Variants in PPEF1 observed in about 807,000 individuals in gnomAD.
PPEF1 encodes the protein protein phosphatase with EF-hand domain 1.
A neutral mutation model predicts 53.3 loss-of-function variants in PPEF1; 12 were observed. That is an observed-to-expected ratio of 0.23 (90% CI 0.14 to 0.36). PPEF1 has a LOEUF of 0.36. Ranked by LOEUF, PPEF1 falls within the 10% of genes least tolerant of loss-of-function variation. The pLI, the probability that PPEF1 is intolerant of heterozygous loss-of-function variation, is 1.00. For missense variants in PPEF1, 334 were observed against 490.4 expected (o/e 0.68, Z 3.01); for synonymous variants, 165 against 176.7 (o/e 0.93, Z 0.52).
intron 3 of PPEF1, among the ~76,000 whole-genome samples, chrX:18,744,513 G>A (rs1569254279): frequency 8.9e-6 from 1 of 111,910 alleles, no homozygotes; most frequent in Non-Finnish European, 1.9e-5. Context: ...GCAGAAAGCC[G>A]AAGCTGCCAT....
At chrX:18,816,300 C>T (rs2046912293) in intron 12 of PPEF1, among the ~76,000 whole-genome samples, 1 of 110,680 alleles carries the variant, frequency 9.0e-6, no homozygotes. Context: ...TGTGACTTGC[C>T]CAAATTTCTT....
chrX:18,731,278 G>C (rs1270057991), intron 2 of PPEF1, among the ~76,000 whole-genome samples: 1 of 112,151 alleles, frequency 8.9e-6, no homozygotes, highest in Non-Finnish European at 1.9e-5. Context: ...GGTGTGGGTT[G>C]GGATGTTAAG....
chrX:18,739,668 A>G (rs2045094927), intron 3 of PPEF1, among the ~76,000 whole-genome samples: 1 of 112,153 alleles, frequency 8.9e-6, no homozygotes, highest in Non-Finnish European at 1.9e-5. Context: ...AAGCTGTCAG[A>G]CAGGGATGTT....
At chrX:18,746,791 GTGTAATGGT>G (rs756876317) in intron 3 of PPEF1, among the ~76,000 whole-genome samples, 2 of 112,134 alleles carry the variant, frequency 1.8e-5, no homozygotes, top group Non-Finnish European at 3.8e-5. Context: ...TGCAGTAAAA[GTGTAATGGT>G]TAAGAGTTTG....
chrX:18,771,463 A>T (rs1366606296), intron 6 of PPEF1, among the ~76,000 whole-genome samples: 2 of 111,915 alleles, frequency 1.8e-5, no homozygotes, highest in Non-Finnish European at 3.8e-5. Context: ...ATTTCCAAGA[A>T]TCTTAATTCA....
intron 7 of PPEF1, among the ~76,000 whole-genome samples, chrX:18,780,139 C>T (rs138934216): frequency 0.013 from 1,426 of 111,860 alleles, 24 homozygotes; most frequent in African/African-American, 0.042. Context: ...ATGAAGGAGA[C>T]GTGGCCCCTG....
intron 3 of PPEF1, among the ~76,000 whole-genome samples, chrX:18,736,128 C>G (rs1219358045): frequency 1.8e-5 from 2 of 111,399 alleles, no homozygotes; most frequent in African/African-American, 3.3e-5. Flanking sequence ...ATTTCTTTCT[C>G]CTGCCTGATT....
intron 10 of PPEF1, 94 bp from the exon 11 acceptor site, chrX:18,803,798 T>C (rs1232034771): frequency 1.2e-6 from 1 of 841,560 alleles, no homozygotes; most frequent in Non-Finnish European, 1.7e-6. Context: ...GTCTTTGGGA[T>C]ACCTTGGGTT....
At chrX:18,810,122 A>G (rs993473711) in intron 12 of PPEF1, among the ~76,000 whole-genome samples, 2 of 108,276 alleles carry the variant, frequency 1.8e-5, no homozygotes, top group African/African-American at 3.4e-5. Flanking sequence ...ACATATATCC[A>G]TAAGTTTTAG....
At chrX:18,770,813 A>G (rs982307136) in intron 6 of PPEF1, among the ~76,000 whole-genome samples, 17 of 112,797 alleles carry the variant, frequency 1.5e-4, no homozygotes, top group African/African-American at 3.9e-4. Context: ...CCATTCAAAC[A>G]TAATAAATAT....
At chrX:18,680,089 C>CA (rs756924550), upstream of PPEF1, among the ~76,000 whole-genome samples, 2,069 of 52,891 alleles carry the variant, frequency 0.039, 82 homozygotes, top group African/African-American at 0.12. Context: ...ACCCTGTCCT[C>CA]AAAAAAAAAA....
At chrX:18,759,603 T>C (rs1012489611) in intron 5 of PPEF1, among the ~76,000 whole-genome samples, 1 of 111,744 alleles carries the variant, frequency 8.9e-6, no homozygotes, top group South Asian at 3.7e-4. Flanking sequence ...CAACTAGAAG[T>C]TAAAAATATT....
At chrX:18,796,863 A>G (rs1381530510) in intron 10 of PPEF1, among the ~76,000 whole-genome samples, 1 of 111,954 alleles carries the variant, frequency 8.9e-6, no homozygotes, top group African/African-American at 3.2e-5. Context: ...GGTTAGAACA[A>G]GCTCTTCTAG....
At chrX:18,794,522 G>T (rs1354453829) in intron 10 of PPEF1, among the ~76,000 whole-genome samples, 1 of 112,793 alleles carries the variant, frequency 8.9e-6, no homozygotes, top group East Asian at 2.8e-4. Context: ...TCCACAAGTG[G>T]GGTAGTAGGC....
chrX:18,682,878 C>G (rs1233955419), upstream of PPEF1, among the ~76,000 whole-genome samples: 1 of 111,230 alleles, frequency 9.0e-6, no homozygotes, highest in Non-Finnish European at 1.9e-5. Flanking sequence ...TAAAGACAAA[C>G]CCCAGACTGG....
intron 6 of PPEF1, among the ~76,000 whole-genome samples, chrX:18,774,694 T>C (rs947126108): frequency 8.9e-6 from 1 of 112,430 alleles, no homozygotes; most frequent in South Asian, 3.7e-4. Context: ...TCTATCACCC[T>C]GAGAACTTAA....
At chrX:18,819,294 C>A (rs1434375626) in intron 13 of PPEF1, among the ~76,000 whole-genome samples, 1 of 111,551 alleles carries the variant, frequency 9.0e-6, no homozygotes, top group East Asian at 2.8e-4. Flanking sequence ...GAAGAAAAAC[C>A]AAAGAGATAG....
chrX:18,685,576 T>C (rs1602336720), intron 2 of PPEF1, among the ~76,000 whole-genome samples: 1 of 108,750 alleles, frequency 9.2e-6, no homozygotes, highest in African/African-American at 3.4e-5. Flanking sequence ...TCCCAGCTAC[T>C]TGAGGGGCTG....
intron 12 of PPEF1, 74 bp from the exon 13 acceptor site, chrX:18,817,965 T>G (rs1277483008): frequency 1.2e-5 from 9 of 769,725 alleles, no homozygotes; most frequent in Non-Finnish European, 1.5e-5. Flanking sequence ...TCATAAATAG[T>G]AATATTGCAC....
Sources: allele counts gnomAD v4.1 joint callset (sites outside exome capture counted in the v4.1 genomes callset), GRCh38; gene constraint gnomAD v4.1.1; transcripts MANE v1.5; gene names NCBI Gene and HGNC (gene_info 2026-07-23, HGNC 2026-07-21).